The following BIRC6 variants were observed in gnomAD, a reference collection of about 807,000 sequenced individuals.
BIRC6 encodes the protein baculoviral IAP repeat containing 6, also known as dual E2 ubiquitin-conjugating enzyme/E3 ubiquitin-protein ligase BIRC6.
In BIRC6, 98 loss-of-function variants were observed where a neutral mutation model predicts 503.3. The observed-to-expected ratio is 0.19, with a 90% CI of 0.17 to 0.23. The LOEUF is 0.23. Among genes scored for constraint, BIRC6 ranks in the 10% least tolerant of loss-of-function variants. The pLI is 1.00. For missense variants in BIRC6, 5,360 were observed against 5,806.0 expected, an observed-to-expected ratio of 0.92 and a Z score of 2.50; for synonymous variants, 2,240 against 2,078.7, an observed-to-expected ratio of 1.08 and a Z score of -2.11.
intron 30 of BIRC6, 83 bp from the exon 31 acceptor site, chr2:32,470,084 GT>G: frequency 8.6e-7 from 1 of 1,169,140 alleles, no homozygotes; most frequent in Non-Finnish European, 1.1e-6. Context: ...TCATTACTCT[GT>G]TAAATTTCTA....
chr2:32,508,276 C>CTTTTTTTTTTTTTTTTTTTTTTTT lies in BIRC6; in HGVS notation c.9980+21_9980+44dup, dbSNP rs10528992. On this transcript the variant is annotated intron_variant, in intron 51 of 73. Coordinates refer to ENST00000421745, the MANE Select transcript of BIRC6 (RefSeq NM_016252.4). ...CAAAACAAGGTATGTTTTGTTTGTC[C>CTTTTTTTTTTTTTTTTTTTTTTTT]TTTTTTTTTTTTTTTTTTTTTTTTT... The CTTTTTTTTTTTTTTTTTTTTTTTT allele has an allele frequency of 9.2e-6, 8 of 864,880 alleles. No homozygotes were observed. The African/African-American group carries it at 1.1e-4, about 12-fold the overall frequency. 53.6% of individuals were successfully genotyped at this position (864,880 alleles called of 1,614,324 possible).
intron 33 of BIRC6, 69 bp from the exon 34 acceptor site, chr2:32,476,144 G>A (rs2049737353): frequency 5.0e-6 from 6 of 1,194,556 alleles, no homozygotes; most frequent in Non-Finnish European, 6.9e-6. Context: ...TATGAATTCT[G>A]TGAGGAGTAT....
intron 53 of BIRC6, 64 bp downstream of exon 53, chr2:32,510,698 T>C (rs2054296726): frequency 7.9e-6 from 9 of 1,134,606 alleles, no homozygotes; most frequent in Non-Finnish European, 1.2e-5. Flanking sequence ...TAGTAAATGT[T>C]TCTGACAGTT....
At position 32,509,730 on chromosome 2, in the gene BIRC6, A is replaced by G. The variant is rs2054209478; in HGVS notation, c.9981-8A>G. ...ATATTGATCATACAAGTCATTTTGT[A>G]TTTTCAGTATTGGATGGTTACGGTT... On this transcript the variant is annotated splice_polypyrimidine_tract_variant and splice_region_variant and intron_variant, in intron 51 of 73. Transcript: ENST00000421745. 1 of 1,613,510 alleles carries G rather than the reference A, an allele frequency of 6.2e-7. No homozygotes were observed. Among genetic ancestry groups the G allele is most frequent in the Admixed American group, 1.7e-5 (1 of 59,882 alleles).
At chr2:32,363,348 C>T (rs1163610654) in intron 1 of BIRC6, among the ~76,000 whole-genome samples, 1 of 151,976 alleles carries the variant, frequency 6.6e-6, no homozygotes. Context: ...ACAAGAAAAC[C>T]TTGCTTTTTT....
chr2:32,427,561 C>T (rs1484198908), intron 10 of BIRC6, among the ~76,000 whole-genome samples: 6 of 152,216 alleles, frequency 3.9e-5, no homozygotes, highest in African/African-American at 1.4e-4. Flanking sequence ...GCTGGGATAA[C>T]AGGCGTGAGC....
At chr2:32,487,131 T>C (rs1017722241) in intron 40 of BIRC6, among the ~76,000 whole-genome samples, 3 of 152,196 alleles carry the variant, frequency 2.0e-5, no homozygotes, top group African/African-American at 7.2e-5. Context: ...GCTCTAAATA[T>C]ATGATAAAGC....
chr2:32,468,841 G>C, intron 29 of BIRC6, 58 bp downstream of exon 29: 5 of 1,277,776 alleles, frequency 3.9e-6, no homozygotes, highest in Non-Finnish European at 4.3e-6. Flanking sequence ...TGATTTCGCT[G>C]CATGTTTTAG....
chr2:32,538,398 A>G (rs1441384480), intron 61 of BIRC6, among the ~76,000 whole-genome samples: 2 of 152,190 alleles, frequency 1.3e-5, no homozygotes, highest in Non-Finnish European at 2.9e-5. Context: ...GCTCAGAGAT[A>G]AAAATGTTGG....
At chr2:32,585,586 G>T (rs768976696) in intron 66 of BIRC6, among the ~76,000 whole-genome samples, 2 of 152,074 alleles carry the variant, frequency 1.3e-5, no homozygotes, top group Non-Finnish European at 2.9e-5. Flanking sequence ...TGCCATGTTG[G>T]CCAGGCTATT....
chr2:32,515,361 T>A lies in BIRC6; in HGVS notation c.10940T>A (p.Ile3647Asn). Reference sequence around the variant, plus strand: ...CTGGCTAGTTTCTGCTTTAGCCACATTTCTAGCTCAGAAAGCATTGCCCAG... The same window carrying A: ...CTGGCTAGTTTCTGCTTTAGCCACAATTCTAGCTCAGAAAGCATTGCCCAG... Reference protein sequence around the residue: ...RSLASFCFSHISSSESIAQSI... With the variant: ...RSLASFCFSHNSSSESIAQSI... The change falls in exon 55 of 74, where the codon ATT becomes AAT. Residue 3647 changes from isoleucine to asparagine, a missense_variant. By Grantham distance (149) the Ile-to-Asn change is moderately radical (BLOSUM62 -3). Coordinates refer to ENST00000421745, the MANE Select transcript of BIRC6 (RefSeq NM_016252.4). The A allele has an allele frequency of 4.3e-6, 7 of 1,613,782 alleles. No homozygotes were observed. Among genetic ancestry groups the A allele is most frequent in the Non-Finnish European group, 5.9e-6 (7 of 1,179,900 alleles).
At chr2:32,375,098 C>T (rs1247764506) in intron 1 of BIRC6, among the ~76,000 whole-genome samples, 1 of 152,034 alleles carries the variant, frequency 6.6e-6, no homozygotes, top group Non-Finnish European at 1.5e-5. Flanking sequence ...TGTTTTAGAG[C>T]TATTGTAAAC....
chr2:32,487,582 G>A (rs1299919309), intron 40 of BIRC6, 65 bp from the exon 41 acceptor site: 1 of 1,425,884 alleles, frequency 7.0e-7, no homozygotes, highest in African/African-American at 1.4e-5. Context: ...TTATACATAT[G>A]AATAACCAGT....
Position 32,415,926 on chromosome 2 carries a change from G to A in BIRC6, c.2635G>A (p.Glu879Lys), listed in dbSNP as rs1440050257. 6.2e-7 allele frequency: 1 copy of A among 1,613,938 alleles called. No homozygotes were observed. The highest frequency in any genetic ancestry group is 1.3e-5 in the African/African-American group (1 of 75,036). The change falls in exon 10 of 74, where the codon GAG (glutamate) becomes AAG (lysine). Residue 879 changes from glutamate to lysine, a missense_variant. Physicochemically the swap from Glu to Lys is moderately conservative, Grantham distance 56. Transcript: ENST00000421745. Reference sequence around the variant, plus strand: ...AGAGGATGACTGTGAGGAACCTATTGAGGACATGCAGTTAACCTCAAAGAA... The same window carrying A: ...AGAGGATGACTGTGAGGAACCTATTAAGGACATGCAGTTAACCTCAAAGAA... ...NREDDCEEPI[E>K]DMQLTSKNGF...
chr2:32,468,869 T>C, intron 29 of BIRC6, 86 bp downstream of exon 29: 1 of 1,063,490 alleles, frequency 9.4e-7, no homozygotes, highest in Non-Finnish European at 1.3e-6. Context: ...GTCAATATTT[T>C]CTATTGTAAA....
chr2:32,426,681 A>C (rs1347227128), intron 10 of BIRC6, among the ~76,000 whole-genome samples: 1 of 152,260 alleles, frequency 6.6e-6, no homozygotes, highest in Non-Finnish European at 1.5e-5. Context: ...AAAAGTTGGC[A>C]AAGAAATGAG....
At chr2:32,386,335 G>A (rs1041464608) in intron 3 of BIRC6, among the ~76,000 whole-genome samples, 4 of 152,146 alleles carry the variant, frequency 2.6e-5, no homozygotes, top group South Asian at 2.1e-4. Flanking sequence ...AATGGAAGTC[G>A]CCACCTGATA....
intron 23 of BIRC6, among the ~76,000 whole-genome samples, chr2:32,462,555 G>T (rs2048109846): frequency 6.6e-6 from 1 of 152,130 alleles, no homozygotes; most frequent in Non-Finnish European, 1.5e-5. Context: ...GTGTGTTGTT[G>T]CAATAAGAAA....
At chr2:32,398,536 T>A (rs1428012471) in intron 6 of BIRC6, among the ~76,000 whole-genome samples, 5 of 152,234 alleles carry the variant, frequency 3.3e-5, no homozygotes, top group African/African-American at 1.2e-4. Context: ...CTGTATTTTA[T>A]TTTTAAAATT....
Sources: gnomAD v4.1 joint callset for allele counts (sites outside exome capture counted in the v4.1 genomes callset) on GRCh38, gnomAD v4.1.1 for gene constraint, MANE v1.5 for transcripts, NCBI Gene and HGNC (gene_info 2026-07-23, HGNC 2026-07-21) for gene names.